Variants in LARP6 observed in about 807,000 individuals in gnomAD.
The protein encoded by LARP6 is la-related protein 6.
Under a neutral mutation model 32.8 loss-of-function variants are expected in LARP6, and 18 were observed. That is an observed-to-expected ratio of 0.55 (90% CI 0.38 to 0.81). LARP6 has a LOEUF of 0.81. Ranked by LOEUF, LARP6 falls within the 40% of genes least tolerant of loss-of-function variation. LARP6 has a pLI of 0.00. For missense variants in LARP6, 598 were observed against 663.1 expected, an observed-to-expected ratio of 0.90 and a Z score of 1.08; for synonymous variants, 289 against 267.2, an observed-to-expected ratio of 1.08 and a Z score of -0.80.
intron 1 of LARP6, among the ~76,000 whole-genome samples, chr15:70,852,607 G>T (rs2032501827): frequency 1.3e-5 from 2 of 152,190 alleles, no homozygotes; most frequent in Admixed American, 1.3e-4. Flanking sequence ...ACTGTGAGCT[G>T]TCAGTGACTA....
At chr15:70,842,458 C>T (rs1255290252) in intron 1 of LARP6, among the ~76,000 whole-genome samples, 4 of 152,202 alleles carry the variant, frequency 2.6e-5, no homozygotes, top group Non-Finnish European at 5.9e-5. Flanking sequence ...TCAAATCTAC[C>T]CCCCAGCCTG....
At position 70,836,525 on chromosome 15, in the gene LARP6, C is replaced by A; in HGVS notation, c.201-20G>T. Reference sequence around the variant, plus strand: ...GTGCCACTGAGACCAGAAGGAGACACCGGGTGTTAGGGTCAACGTTGAACT... The same window carrying A: ...GTGCCACTGAGACCAGAAGGAGACAACGGGTGTTAGGGTCAACGTTGAACT... On this transcript the variant is annotated intron_variant, in intron 1 of 2. Coordinates refer to ENST00000299213, the MANE Select transcript of LARP6 (RefSeq NM_018357.4). 1.2e-6 allele frequency: 2 copies of A among 1,607,716 alleles called. No individual in the cohort carries two copies. Among genetic ancestry groups the A allele is most frequent in the South Asian group, 2.2e-5 (2 of 90,968 alleles).
chr15:70,833,014 G>A lies in LARP6; in HGVS notation c.514C>T (p.Pro172Ser). 6.2e-7 allele frequency: 1 copy of A among 1,613,688 alleles called. No homozygotes were observed. Among genetic ancestry groups the A allele is most frequent in the Non-Finnish European group, 8.5e-7 (1 of 1,179,766 alleles). The change falls in exon 3 of 3, where the codon CCC becomes TCC. Residue 172 changes from proline to serine, a missense_variant. This residue lies in a region of LARP6 where 69 missense variants were observed against 116.7 expected (regional missense o/e 0.59). Transcript: ENST00000299213. Reference protein sequence around the residue: ...EDHRKVRRTTPVPLFPNENLP... With the variant: ...EDHRKVRRTTSVPLFPNENLP... ...TTCTCGTTGGGGAACAGTGGGACGG[G>A]GGTGGTCCTCCTCACCTTCCGGTGG...
At chr15:70,833,794 C>T (rs1343144779) in intron 2 of LARP6, among the ~76,000 whole-genome samples, 1 of 152,230 alleles carries the variant, frequency 6.6e-6, no homozygotes, top group Non-Finnish European at 1.5e-5. Flanking sequence ...TCCAAAAGAT[C>T]TTTCGCATTT....
At position 70,851,605 on chromosome 15, in the gene LARP6, T is replaced by G. The variant is rs1299138250; in HGVS notation, c.200+2284A>C. The G allele has an allele frequency of 4.4e-6, 7 of 1,603,410 alleles. No individual in the cohort carries two copies. In the South Asian group the frequency reaches 7.8e-5, roughly 18 times the overall value. ...TCTCAACACCATTGAGTGAGTGTGA[T>G]GATAGAGATACGCATTCAGTCAACA... On this transcript the variant is annotated intron_variant, in intron 1 of 2. Transcript: ENST00000299213.
intron 1 of LARP6, among the ~76,000 whole-genome samples, chr15:70,844,495 C>G (rs994074866): frequency 9.9e-5 from 15 of 152,100 alleles, no homozygotes; most frequent in African/African-American, 3.6e-4. Flanking sequence ...TCTATAGATA[C>G]ATACTGAAAG....
intron 1 of LARP6, among the ~76,000 whole-genome samples, chr15:70,847,044 C>A (rs1199220296): frequency 6.6e-6 from 1 of 152,188 alleles, no homozygotes; most frequent in Non-Finnish European, 1.5e-5. Flanking sequence ...TGGTTTCTTT[C>A]ATTATAGTAT....
At position 70,844,850 on chromosome 15, in the gene LARP6, C is replaced by G. The variant is rs567971806; in HGVS notation, c.201-8345G>C. Among the ~76,000 whole-genome samples the G allele has an allele frequency of 2.5e-4, 38 of 152,312 alleles. 2 individuals carry two copies. The South Asian group carries it at 7.7e-3, about 31-fold the overall frequency. ...GTGGATGCAGTATCTTAAGTTCACTCTCAGGGTGCTAGTTGGAGTATACAT... is the reference window on the plus strand; with the variant it reads ...GTGGATGCAGTATCTTAAGTTCACTGTCAGGGTGCTAGTTGGAGTATACAT... On this transcript the variant is annotated intron_variant, in intron 1 of 2. Coordinates refer to ENST00000299213, the MANE Select transcript of LARP6 (RefSeq NM_018357.4).
chr15:70,849,364 AAAAC>A (rs142198654), intron 1 of LARP6: 64,182 of 155,564 alleles, frequency 0.41, 15,721 homozygotes, highest in Admixed American at 0.61. Flanking sequence ...TCTCAAAAAC[AAAAC>A]AAACAAACAA....
chr15:70,840,914 T>C (rs890642193), intron 1 of LARP6, among the ~76,000 whole-genome samples: 28 of 143,776 alleles, frequency 1.9e-4, no homozygotes, highest in Admixed American at 2.7e-4. Flanking sequence ...TTTTCTCTCT[T>C]TTTTTTTTTT....
At chr15:70,851,902 T>A in intron 1 of LARP6, 1 of 908,648 alleles carries the variant, frequency 1.1e-6, no homozygotes, top group Non-Finnish European at 1.6e-6. Flanking sequence ...TCAGAGGACC[T>A]AGAGGTGGGG....
At chr15:70,851,861 A>C in intron 1 of LARP6, 1 of 1,365,630 alleles carries the variant, frequency 7.3e-7, no homozygotes, top group Non-Finnish European at 1.0e-6. Flanking sequence ...AGAGGCAGCG[A>C]AGTTTTAAAG....
Position 70,831,510 on chromosome 15 carries a change from T to C in LARP6, c.*542A>G, listed in dbSNP as rs991355941. On this transcript the variant is annotated 3_prime_UTR_variant, in exon 3 of 3. Coordinates refer to ENST00000299213, the MANE Select transcript of LARP6 (RefSeq NM_018357.4). ...GCTCTGTCAGACAGGCACAGACTTT[T>C]GTCAGGCACAATCTATAACCTCAAA... 5.9e-5 allele frequency: 9 copies of C among 152,292 alleles called. No homozygotes were observed. The highest frequency in any genetic ancestry group is 2.2e-4 in the African/African-American group (9 of 41,474). The allele number at this position is 152,292 out of a possible 1,614,324, so 9.4% of individuals were successfully genotyped here. A position where few individuals can be genotyped will look rare whatever the true frequency, so the allele number is the denominator to read the frequency against.
intron 1 of LARP6, among the ~76,000 whole-genome samples, chr15:70,843,510 T>C (rs2032292900): frequency 6.6e-6 from 1 of 152,202 alleles, no homozygotes; most frequent in South Asian, 2.1e-4. Context: ...TTGCCAACCG[T>C]AGTCATTCTC....
At chr15:70,848,725 C>CT (rs2032392176) in intron 1 of LARP6, among the ~76,000 whole-genome samples, 1 of 151,394 alleles carries the variant, frequency 6.6e-6, no homozygotes, top group Non-Finnish European at 1.5e-5. Context: ...GAGCAGGACT[C>CT]TGTCTCAAAA....
chr15:70,832,366 G>A lies in LARP6; in HGVS notation c.1162C>T (p.Gln388Ter), dbSNP rs1267882528. ...GACTTTCTGGAAACGCCTTTGCGTT[G>A]GGCCAAGGGGCTGCTCCAAGGACTT... is the stretch of plus-strand genomic sequence containing the variant. ...CTSPWSSPLA[Q>*]RKGVSRKSPL... The change falls in exon 3 of 3, where the codon CAA becomes TAA. Residue 388 changes from glutamine to a stop codon, truncating the protein, a stop_gained. Transcript: ENST00000299213. LOFTEE classifies it high-confidence loss of function. 6.2e-7 allele frequency: 1 copy of A among 1,613,724 alleles called. No individual in the cohort carries two copies. The highest frequency in any genetic ancestry group is 1.3e-5 in the African/African-American group (1 of 75,062).
rs1055448533 is a variant in LARP6 at position 70,830,769 on chromosome 15, C to A, written c.*1283G>T. ...AGCTCTATTAAATCCTGCCAAATAG[C>A]CAGAGCATAAGCCAACACTGGAATC... On this transcript the variant is annotated 3_prime_UTR_variant, in exon 3 of 3. Transcript: ENST00000299213. 2.0e-5 allele frequency: 3 copies of A among 152,202 alleles called. No homozygotes were observed. Among genetic ancestry groups the A allele is most frequent in the Non-Finnish European group, 4.4e-5 (3 of 68,042 alleles). The allele number at this position is 152,202 out of a possible 1,614,324, so 9.4% of individuals were successfully genotyped here.
intron 1 of LARP6, among the ~76,000 whole-genome samples, chr15:70,837,699 G>T (rs1379474643): frequency 2.0e-5 from 3 of 152,138 alleles, no homozygotes; most frequent in Non-Finnish European, 2.9e-5. Flanking sequence ...TCTCCATGTG[G>T]ATACATGATC....
At position 70,836,398 on chromosome 15, in the gene LARP6, T is replaced by C. The variant is rs2032147331; in HGVS notation, c.308A>G (p.Tyr103Cys). Residue 103 changes from tyrosine (Y) to cysteine (C), a missense_variant, in exon 2 of 3, where the codon TAC (tyrosine) becomes TGC (cysteine). Transcript: ENST00000299213. ...CTTCTCCAGGTTTTCATCAGAAAAG[T>C]AGAATTCGATCTGATCCACCAGTTT... is the stretch of plus-strand genomic sequence containing the variant. ...IKKLVDQIEFYFSDENLEKDA... is the reference protein window; with the variant it reads ...IKKLVDQIEFCFSDENLEKDA... 9 of 1,613,998 alleles carry C rather than the reference T, an allele frequency of 5.6e-6. No individual in the cohort carries two copies. The highest frequency in any genetic ancestry group is 1.3e-5 in the African/African-American group (1 of 74,908).
Sources: allele counts gnomAD v4.1 joint callset (sites outside exome capture counted in the v4.1 genomes callset), GRCh38; gene constraint gnomAD v4.1.1; regional missense constraint gnomAD v4.1.1; transcripts MANE v1.5; gene names NCBI Gene and HGNC (gene_info 2026-07-23, HGNC 2026-07-21).